Variants in CCBE1 observed in about 807,000 individuals in gnomAD.
CCBE1 encodes collagen and calcium binding EGF domains 1.
CCBE1 carries 37 observed loss-of-function variants against 50.0 expected under a neutral mutation model. That is an observed-to-expected ratio of 0.74 (90% CI 0.57 to 0.97). The LOEUF is 0.97. Among genes scored for constraint, CCBE1 ranks in the 50% least tolerant of loss-of-function variants. The pLI is 0.00. For synonymous variants in CCBE1, 234 were observed against 203.7 expected (o/e 1.15, Z -1.27); for missense variants, 538 against 523.8 (o/e 1.03, Z -0.26).
rs573848517 is a variant in CCBE1, at chr18:59,548,623, G to A, written c.213-68385C>T. 3.5e-3 allele frequency among the ~76,000 whole-genome samples: 528 copies of A among 152,320 alleles called. 3 individuals carry two copies. The highest frequency in any genetic ancestry group is 0.012 in the African/African-American group (509 of 41,566). On this transcript the variant is annotated intron_variant, in intron 2 of 10. Coordinates refer to ENST00000439986, the MANE Select transcript of CCBE1 (RefSeq NM_133459.4). ...ATCACCAACTGACCAACCCATTGCA[G>A]AAAGCCCTTACAACCAAGAACACCA...
chr18:59,610,014 C>T (rs1366656897), intron 2 of CCBE1, among the ~76,000 whole-genome samples: 1 of 152,200 alleles, frequency 6.6e-6, no homozygotes, highest in Non-Finnish European at 1.5e-5. Flanking sequence ...ATGTAGCACA[C>T]AAACCTAATA....
intron 2 of CCBE1, among the ~76,000 whole-genome samples, chr18:59,582,707 C>A (rs1348269042): frequency 6.6e-6 from 1 of 152,210 alleles, no homozygotes; most frequent in Non-Finnish European, 1.5e-5. Flanking sequence ...TTACTATCTA[C>A]CCTGCTCCCA....
At chr18:59,516,852 G>A (rs1054747386) in intron 2 of CCBE1, among the ~76,000 whole-genome samples, 5 of 152,194 alleles carry the variant, frequency 3.3e-5, no homozygotes, top group South Asian at 4.1e-4. Context: ...ACCACTCTCT[G>A]CCAGGATAGA....
In CCBE1 at chr18:59,431,658, G is replaced by A. The variant is rs939310770; in HGVS notation, c.*4250C>T. 3 of 152,258 alleles carry A rather than the reference G, an allele frequency of 2.0e-5. No homozygotes were observed. The highest frequency in any genetic ancestry group is 2.9e-5 in the Non-Finnish European group (2 of 68,058). 9.4% of individuals were successfully genotyped at this position (152,258 alleles called of 1,614,324 possible). On this transcript the variant is annotated 3_prime_UTR_variant, in exon 11 of 11. Coordinates refer to ENST00000439986, the MANE Select transcript of CCBE1 (RefSeq NM_133459.4). ...TATGAACCTTGGAAAGATGGCCAAA[G>A]CCAGGGTGCTCTTCGCTGGTATTTG...
At chr18:59,636,380 T>C (rs2053916666) in intron 2 of CCBE1, among the ~76,000 whole-genome samples, 1 of 152,220 alleles carries the variant, frequency 6.6e-6, no homozygotes, top group East Asian at 1.9e-4. Context: ...CTGCCTCAAA[T>C]AGGTCTATGT....
rs778247253 is a variant in CCBE1, at chr18:59,586,422, T to C, written c.213-106184A>G. On this transcript the variant is annotated intron_variant, in intron 2 of 10. Coordinates refer to ENST00000439986, the MANE Select transcript of CCBE1 (RefSeq NM_133459.4). ...ATAATGGTGAGTGGCTGAAATCCTC[T>C]GGCCCATGGGGAGTGGCCCCCACTG... Among the ~76,000 whole-genome samples the C allele has an allele frequency of 7.2e-5, 11 of 152,366 alleles. 1 individual carries two copies. Among genetic ancestry groups the C allele is most frequent in the Non-Finnish European group, 1.5e-4 (10 of 68,036 alleles).
intron 2 of CCBE1, among the ~76,000 whole-genome samples, chr18:59,660,644 A>G (rs1389060237): frequency 4.6e-5 from 7 of 152,134 alleles, no homozygotes; most frequent in African/African-American, 1.4e-4. Flanking sequence ...TGCTTCCCTG[A>G]TAGAGGGATT....
At chr18:59,583,696 CGCGCGT>C (rs1203004038) in intron 2 of CCBE1, among the ~76,000 whole-genome samples, 6 of 131,680 alleles carry the variant, frequency 4.6e-5, no homozygotes, top group Non-Finnish European at 8.3e-5. Context: ...CGCGCGCGCG[CGCGCGT>C]GTGTGTGTAT....
chr18:59,520,346 T>C (rs1485480673), intron 2 of CCBE1, among the ~76,000 whole-genome samples: 1 of 152,224 alleles, frequency 6.6e-6, no homozygotes, highest in East Asian at 1.9e-4. Flanking sequence ...CTTATTTCCT[T>C]AAGCATTGGT....
chr18:59,676,654 C>T (rs2054507642), intron 2 of CCBE1, among the ~76,000 whole-genome samples: 3 of 152,028 alleles, frequency 2.0e-5, no homozygotes, highest in African/African-American at 7.2e-5. Context: ...ACAGATCAGC[C>T]CCTGCTCTGA....
intron 2 of CCBE1, among the ~76,000 whole-genome samples, chr18:59,586,025 T>C (rs1229902904): frequency 6.6e-6 from 1 of 152,222 alleles, no homozygotes; most frequent in Non-Finnish European, 1.5e-5. Flanking sequence ...GTAATAATAT[T>C]GGCCTTTTAG....
chr18:59,631,047 T>C (rs1447321922), intron 2 of CCBE1, among the ~76,000 whole-genome samples: 2 of 152,192 alleles, frequency 1.3e-5, no homozygotes, highest in African/African-American at 4.8e-5. Flanking sequence ...CATTTTCTTT[T>C]GGGGAATGAT....
chr18:59,672,891 A>C (rs1266100325), intron 2 of CCBE1, among the ~76,000 whole-genome samples: 1 of 152,096 alleles, frequency 6.6e-6, no homozygotes, highest in African/African-American at 2.4e-5. Flanking sequence ...AAAGACTACA[A>C]ATTGGTTTCA....
At chr18:59,537,773 C>T (rs1915310520) in intron 2 of CCBE1, among the ~76,000 whole-genome samples, 1 of 152,156 alleles carries the variant, frequency 6.6e-6, no homozygotes, top group Non-Finnish European at 1.5e-5. Flanking sequence ...CACATTTTTC[C>T]ATCTCATTCA....
At chr18:59,451,595 A>T (rs762742786) in intron 6 of CCBE1, among the ~76,000 whole-genome samples, 4 of 152,134 alleles carry the variant, frequency 2.6e-5, no homozygotes, top group Non-Finnish European at 5.9e-5. Context: ...ACCACAGAAG[A>T]AGTGGTGGAG....
intron 5 of CCBE1, 54 bp from the exon 6 acceptor site, chr18:59,455,005 C>A: frequency 7.1e-7 from 1 of 1,407,182 alleles, no homozygotes; most frequent in Non-Finnish European, 1.0e-6. Flanking sequence ...CAAGCCAGAC[C>A]CAGAGAGACA....
intron 2 of CCBE1, among the ~76,000 whole-genome samples, chr18:59,648,833 G>A (rs2054090285): frequency 6.6e-6 from 1 of 152,200 alleles, no homozygotes; most frequent in Non-Finnish European, 1.5e-5. Context: ...GGCCCAACTG[G>A]CCAGGCTTTG....
intron 2 of CCBE1, among the ~76,000 whole-genome samples, chr18:59,608,409 T>C (rs185147114): frequency 2.6e-4 from 39 of 152,300 alleles, no homozygotes; most frequent in Admixed American, 2.2e-3. Flanking sequence ...AAAGTGTTGA[T>C]GCAAGACAAA....
intron 2 of CCBE1, among the ~76,000 whole-genome samples, chr18:59,581,859 C>T (rs1164404024): frequency 1.3e-5 from 2 of 152,152 alleles, no homozygotes; most frequent in African/African-American, 4.8e-5. Context: ...CCCCCACCTC[C>T]CCGCTGAGAA....
Sources: gnomAD v4.1 joint callset for allele counts (sites outside exome capture counted in the v4.1 genomes callset) on GRCh38, gnomAD v4.1.1 for gene constraint, MANE v1.5 for transcripts, NCBI Gene and HGNC (gene_info 2026-07-23, HGNC 2026-07-21) for gene names.